NPNT: variants seen among roughly 807,000 people sequenced by gnomAD.
NPNT encodes the protein nephronectin.
Under a neutral mutation model 68.6 loss-of-function variants are expected in NPNT, and 45 were observed. That is an observed-to-expected ratio of 0.66 (90% CI 0.52 to 0.84). NPNT has a LOEUF of 0.84. Among genes scored for constraint, NPNT ranks in the 40% least tolerant of loss-of-function variants. The pLI is 0.00. For missense variants in NPNT, 672 were observed against 714.8 expected (o/e 0.94, Z 0.68); for synonymous variants, 233 against 253.3 (o/e 0.92, Z 0.76).
chr4:105,928,720 G>T (rs1728882494), intron 3 of NPNT, among the ~76,000 whole-genome samples: 1 of 151,320 alleles, frequency 6.6e-6, no homozygotes, highest in South Asian at 2.1e-4. Flanking sequence ...AAAAAGATAA[G>T]TCAATTTTTA....
At chr4:105,931,638 C>T (rs1464888353) in intron 3 of NPNT, among the ~76,000 whole-genome samples, 1 of 132,760 alleles carries the variant, frequency 7.5e-6, no homozygotes, top group Non-Finnish European at 1.5e-5. Context: ...TCCTGGCTAA[C>T]ACGGTGAAAC....
At chr4:105,913,743 C>T (rs1727565850) in intron 2 of NPNT, among the ~76,000 whole-genome samples, 1 of 152,144 alleles carries the variant, frequency 6.6e-6, no homozygotes, top group Non-Finnish European at 1.5e-5. Context: ...AACAATTCTT[C>T]AGTTATTCAT....
chr4:105,898,284 G>T, intron 2 of NPNT: 7 of 188,912 alleles, frequency 3.7e-5, no homozygotes, highest in East Asian at 2.1e-4. Flanking sequence ...TTCTTACCAG[G>T]TTTATTTCTC....
chr4:105,946,855 C>G (rs2149383912), intron 8 of NPNT, among the ~76,000 whole-genome samples: 1 of 152,240 alleles, frequency 6.6e-6, no homozygotes, highest in South Asian at 2.1e-4. Flanking sequence ...TGATAAACAT[C>G]TTAAACAACA....
chr4:105,938,171 A>T, intron 4 of NPNT, 130 bp from the exon 5 acceptor site: 1 of 699,366 alleles, frequency 1.4e-6, no homozygotes, highest in South Asian at 2.3e-5. Flanking sequence ...TAGATGTTTG[A>T]TAGTTAAGGC....
chr4:105,905,050 T>G (rs371632058), intron 2 of NPNT, among the ~76,000 whole-genome samples: 2 of 152,144 alleles, frequency 1.3e-5, no homozygotes, highest in South Asian at 4.1e-4. Context: ...GCCATAATTT[T>G]TATACCTTTG....
At position 105,940,553 on chromosome 4, in the gene NPNT, G is replaced by T. The variant is rs779534894; in HGVS notation, c.680G>T (p.Ser227Ile). ...TCACTTGGTCAGTATCAGTGCAGCAGCTTTGCTCGATGTTATAACATACGT... is the reference window on the plus strand; with the variant it reads ...TCACTTGGTCAGTATCAGTGCAGCATCTTTGCTCGATGTTATAACATACGT... ...ECSLGQYQCS[S>I]FARCYNIRGS... The change falls in exon 7 of 12, where the codon AGC becomes ATC. Residue 227 changes from serine to isoleucine, a missense_variant. Transcript: ENST00000379987. 2 of 1,612,994 alleles carry T rather than the reference G, an allele frequency of 1.2e-6. No individual in the cohort carries two copies. The highest frequency in any genetic ancestry group is 1.7e-6 in the Non-Finnish European group (2 of 1,179,098).
At chr4:105,932,321 A>C (rs1329662449) in intron 3 of NPNT, among the ~76,000 whole-genome samples, 3 of 152,182 alleles carry the variant, frequency 2.0e-5, no homozygotes, top group Non-Finnish European at 4.4e-5. Context: ...ATACTTTTAA[A>C]AATGATGATC....
At chr4:105,896,632 C>A (rs1406442804) in intron 1 of NPNT, among the ~76,000 whole-genome samples, 1 of 152,206 alleles carries the variant, frequency 6.6e-6, no homozygotes, top group Admixed American at 6.5e-5. Flanking sequence ...CCCACCCCTC[C>A]GTGTAGGTCC....
At chr4:105,963,516 A>G (rs184019943) in intron 10 of NPNT, among the ~76,000 whole-genome samples, 419 of 152,258 alleles carry the variant, frequency 2.8e-3, no homozygotes, top group Non-Finnish European at 4.4e-3. Context: ...ATTCAGTCAC[A>G]GTGAGATGTG....
intron 8 of NPNT, among the ~76,000 whole-genome samples, chr4:105,955,838 T>G (rs1578676959): frequency 6.6e-6 from 1 of 152,210 alleles, no homozygotes; most frequent in African/African-American, 2.4e-5. Flanking sequence ...TCTTGAAACT[T>G]CAGTGGGATG....
chr4:105,957,850 C>T (rs577369429), intron 8 of NPNT, among the ~76,000 whole-genome samples: 6 of 152,184 alleles, frequency 3.9e-5, no homozygotes, highest in Non-Finnish European at 5.9e-5. Context: ...GGGTCTGAGA[C>T]GTGAAAATGA....
chr4:105,959,582 A>T (rs1731524487), intron 10 of NPNT, among the ~76,000 whole-genome samples: 1 of 149,836 alleles, frequency 6.7e-6, no homozygotes, highest in Non-Finnish European at 1.5e-5. Context: ...AAATTTCTAT[A>T]AAGTTGTGAT....
At chr4:105,941,486 A>G (rs1182255872) in intron 7 of NPNT, among the ~76,000 whole-genome samples, 1 of 152,250 alleles carries the variant, frequency 6.6e-6, no homozygotes, top group East Asian at 1.9e-4. Flanking sequence ...GTCATAATTT[A>G]ACATACATTT....
chr4:105,943,166 C>T (rs1338480284), intron 8 of NPNT, among the ~76,000 whole-genome samples: 2 of 152,160 alleles, frequency 1.3e-5, no homozygotes, highest in Admixed American at 6.5e-5. Flanking sequence ...AAGATGGTTA[C>T]TCAGAAGATA....
At chr4:105,937,250 A>G in intron 4 of NPNT, 122 bp downstream of exon 4, 1 of 906,346 alleles carries the variant, frequency 1.1e-6, no homozygotes, top group Non-Finnish European at 1.6e-6. Flanking sequence ...GCGTGTGTTT[A>G]TACTTTTGCC....
chr4:105,967,501 T>G, intron 11 of NPNT, 57 bp downstream of exon 11: 1 of 1,467,112 alleles, frequency 6.8e-7, no homozygotes, highest in Non-Finnish European at 9.1e-7. Flanking sequence ...ATAGGAGAAC[T>G]CTGGGATCTG....
At chr4:105,914,373 C>CTA (rs1241439447) in intron 2 of NPNT, among the ~76,000 whole-genome samples, 41 of 121,352 alleles carry the variant, frequency 3.4e-4, no homozygotes, top group Admixed American at 4.8e-4. Context: ...CTCTCTCTCT[C>CTA]TATATATATA....
chr4:105,950,892 C>T (rs189746633), intron 8 of NPNT, among the ~76,000 whole-genome samples: 111 of 152,156 alleles, frequency 7.3e-4, no homozygotes, highest in African/African-American at 2.5e-3. Flanking sequence ...GAAAGTGCTG[C>T]GATTACAGGC....
Sources: allele counts gnomAD v4.1 joint callset (sites outside exome capture counted in the v4.1 genomes callset), GRCh38; gene constraint gnomAD v4.1.1; transcripts MANE v1.5; gene names NCBI Gene and HGNC (gene_info 2026-07-23, HGNC 2026-07-21).